Variants in JAZF1 observed in about 807,000 individuals in gnomAD.
JAZF1 encodes JAZF zinc finger 1, also known as juxtaposed with another zinc finger protein 1.
A neutral mutation model predicts 26.4 loss-of-function variants in JAZF1; 8 were observed. That is an observed-to-expected ratio of 0.30 (90% CI 0.18 to 0.55). The LOEUF (loss-of-function observed/expected upper bound fraction) is 0.55, where lower values mean the gene tolerates loss of function less well. JAZF1 is among the 20% of genes least tolerant of loss of function. The pLI, the probability that JAZF1 is intolerant of heterozygous loss-of-function variation, is 0.94. For synonymous variants in JAZF1, 126 were observed against 122.3 expected (o/e 1.03, Z -0.20); for missense variants, 199 against 322.0 (o/e 0.62, Z 2.92).
intron 1 of JAZF1, among the ~76,000 whole-genome samples, chr7:28,091,101 C>T (rs1475608608): frequency 6.6e-6 from 1 of 152,002 alleles, no homozygotes; most frequent in Non-Finnish European, 1.5e-5. Flanking sequence ...GCTGGGATTA[C>T]AGGCGTGAGC....
chr7:28,019,810 T>C (rs1326926667), intron 1 of JAZF1, among the ~76,000 whole-genome samples: 1 of 152,132 alleles, frequency 6.6e-6, no homozygotes, highest in African/African-American at 2.4e-5. Context: ...TCCCAGGCTT[T>C]TGGGGGTCAC....
chr7:27,856,254 C>T (rs1401277319), intron 3 of JAZF1, among the ~76,000 whole-genome samples: 2 of 152,174 alleles, frequency 1.3e-5, no homozygotes, highest in Non-Finnish European at 2.9e-5. Flanking sequence ...GTGAGCGTTA[C>T]AGCTCTTAAG....
At chr7:28,155,688 C>A (rs1783171540) in intron 1 of JAZF1, among the ~76,000 whole-genome samples, 1 of 152,146 alleles carries the variant, frequency 6.6e-6, no homozygotes, top group African/African-American at 2.4e-5. Context: ...CACCTAAATT[C>A]AGAATTATCA....
chr7:28,128,907 T>C (rs980210414), intron 1 of JAZF1, among the ~76,000 whole-genome samples: 1 of 152,166 alleles, frequency 6.6e-6, no homozygotes, highest in African/African-American at 2.4e-5. Flanking sequence ...GCTGATTTAG[T>C]GATTTCTTAA....
chr7:28,142,179 A>G (rs886519163), intron 1 of JAZF1, among the ~76,000 whole-genome samples: 30 of 152,214 alleles, frequency 2.0e-4, no homozygotes, highest in African/African-American at 6.8e-4. Flanking sequence ...AGAATTTCGT[A>G]AATGCTACTG....
intron 2 of JAZF1, among the ~76,000 whole-genome samples, chr7:27,977,291 G>A (rs533671966): frequency 4.6e-5 from 7 of 152,268 alleles, no homozygotes; most frequent in African/African-American, 1.7e-4. Context: ...TATAGGTCTA[G>A]ACTTATACTT....
At chr7:27,978,578 TC>T (rs1785516382) in intron 2 of JAZF1, among the ~76,000 whole-genome samples, 1 of 152,182 alleles carries the variant, frequency 6.6e-6, no homozygotes, top group African/African-American at 2.4e-5. Flanking sequence ...TCAGGGTTCC[TC>T]GGGGAAGTTG....
chr7:27,896,326 C>T (rs1212924989), intron 2 of JAZF1, among the ~76,000 whole-genome samples: 2 of 151,586 alleles, frequency 1.3e-5, no homozygotes, highest in Non-Finnish European at 2.9e-5. Context: ...GTATCTCCTA[C>T]CTAAAGAACA....
chr7:28,040,359 G>C (rs541377760), intron 1 of JAZF1, among the ~76,000 whole-genome samples: 5 of 152,194 alleles, frequency 3.3e-5, no homozygotes, highest in African/African-American at 1.2e-4. Context: ...ATCTAGATGG[G>C]AAAATAACAA....
At chr7:27,986,219 G>A (rs1053052982) in intron 2 of JAZF1, among the ~76,000 whole-genome samples, 8 of 152,302 alleles carry the variant, frequency 5.3e-5, no homozygotes, top group African/African-American at 1.2e-4. Flanking sequence ...AAACCCCATC[G>A]TCTCAGCCCA....
chr7:28,103,430 T>C (rs1294299375), intron 1 of JAZF1, among the ~76,000 whole-genome samples: 3 of 152,086 alleles, frequency 2.0e-5, no homozygotes, highest in Admixed American at 6.6e-5. Context: ...CACTCCAGCA[T>C]GGGAAGCAGA....
chr7:27,833,233 C>G, intron 4 of JAZF1: 1 of 243,080 alleles, frequency 4.1e-6, no homozygotes, highest in South Asian at 1.6e-4. Context: ...CTGATTTCTT[C>G]CAATTTTATA....
chr7:28,107,648 G>A (rs565345188), intron 1 of JAZF1, among the ~76,000 whole-genome samples: 9 of 152,192 alleles, frequency 5.9e-5, no homozygotes, highest in African/African-American at 2.2e-4. Context: ...GTCAACCCAA[G>A]GCACATACAC....
At chr7:28,098,541 C>T (rs1784420250) in intron 1 of JAZF1, among the ~76,000 whole-genome samples, 1 of 151,994 alleles carries the variant, frequency 6.6e-6, no homozygotes, top group Non-Finnish European at 1.5e-5. Flanking sequence ...ATAATCTCCC[C>T]AGTAAAATGT....
intron 1 of JAZF1, among the ~76,000 whole-genome samples, chr7:28,136,410 G>A (rs572503605): frequency 1.3e-5 from 2 of 152,284 alleles, no homozygotes; most frequent in African/African-American, 4.8e-5. Flanking sequence ...CCTCCCTCAA[G>A]AAGGAAAAGA....
At chr7:28,168,047 C>A (rs1783394983) in intron 1 of JAZF1, among the ~76,000 whole-genome samples, 1 of 152,090 alleles carries the variant, frequency 6.6e-6, no homozygotes, top group South Asian at 2.1e-4. Context: ...AGTTGTCTTG[C>A]ACAATGTTTT....
chr7:27,919,380 A>G (rs556232371), intron 2 of JAZF1, among the ~76,000 whole-genome samples: 5 of 152,232 alleles, frequency 3.3e-5, no homozygotes, highest in Non-Finnish European at 5.9e-5. Context: ...AAATAAACCA[A>G]TAAGGAATAA....
chr7:27,923,386 A>C (rs569912597), intron 2 of JAZF1, among the ~76,000 whole-genome samples: 9 of 152,208 alleles, frequency 5.9e-5, no homozygotes, highest in Non-Finnish European at 1.2e-4. Flanking sequence ...CCAAAGTTAA[A>C]ACAGGCCAGC....
At chr7:28,025,588 C>G (rs1783081703) in intron 1 of JAZF1, among the ~76,000 whole-genome samples, 1 of 152,184 alleles carries the variant, frequency 6.6e-6, no homozygotes, top group African/African-American at 2.4e-5. Flanking sequence ...AACATACTAT[C>G]TTTCTCAAGT....
Sources: gnomAD v4.1 joint callset for allele counts (sites outside exome capture counted in the v4.1 genomes callset) on GRCh38, gnomAD v4.1.1 for gene constraint, MANE v1.5 for transcripts, NCBI Gene and HGNC (gene_info 2026-07-23, HGNC 2026-07-21) for gene names.